The following NR1H4 variants were observed in gnomAD, a reference collection of about 807,000 sequenced individuals.
The protein encoded by NR1H4 is bile acid receptor.
In NR1H4, 23 loss-of-function variants were observed where a neutral mutation model predicts 58.5. That is an observed-to-expected ratio of 0.39 (90% CI 0.28 to 0.56). NR1H4 has a LOEUF of 0.56. Ranked by LOEUF, NR1H4 falls within the 20% of genes least tolerant of loss-of-function variation. The pLI is 0.58. For synonymous variants in NR1H4, 214 were observed against 198.0 expected, an observed-to-expected ratio of 1.08 and a Z score of -0.68; for missense variants, 487 against 576.9, an observed-to-expected ratio of 0.84 and a Z score of 1.60.
intron 3 of NR1H4, among the ~76,000 whole-genome samples, chr12:100,494,482 G>C (rs1485707753): frequency 6.6e-6 from 1 of 152,146 alleles, no homozygotes; most frequent in Non-Finnish European, 1.5e-5. Flanking sequence ...TAATAGAAGG[G>C]AAAAGAAAAA....
intron 1 of NR1H4, among the ~76,000 whole-genome samples, chr12:100,489,598 G>T (rs900448114): frequency 6.6e-6 from 1 of 151,998 alleles, no homozygotes; most frequent in Middle Eastern, 3.2e-3. Context: ...ACAAAAACAG[G>T]CAGCCGACCG....
Position 100,505,802 on chromosome 12 carries a change from C to T in NR1H4, c.80-4976C>T, listed in dbSNP as rs1389726631. On this transcript the variant is annotated intron_variant, in intron 3 of 10. Coordinates refer to ENST00000392986, the MANE Select transcript of NR1H4 (RefSeq NM_001206979.2). ...CAGAAAGCATACTCTAAATTAAAGTCGAACTACCTCTACTCCCTCCACATC... is the reference window on the plus strand; with the variant it reads ...CAGAAAGCATACTCTAAATTAAAGTTGAACTACCTCTACTCCCTCCACATC... The T allele has an allele frequency of 7.9e-6, 4 of 505,300 alleles. No homozygotes were observed. In the East Asian group the frequency reaches 9.8e-5, roughly 12 times the overall value. 31.3% of individuals were successfully genotyped at this position (505,300 alleles called of 1,614,324 possible).
At chr12:100,503,420 A>G in intron 3 of NR1H4, 1 of 1,597,670 alleles carries the variant, frequency 6.3e-7, no homozygotes, top group Non-Finnish European at 8.5e-7. Context: ...TAGAAAATCC[A>G]ATTCAAATTA....
chr12:100,535,424 A>T (rs1024735861), intron 6 of NR1H4, among the ~76,000 whole-genome samples: 6 of 152,266 alleles, frequency 3.9e-5, no homozygotes, highest in African/African-American at 1.4e-4. Flanking sequence ...AAACAGGGTG[A>T]ATACACGTAT....
At chr12:100,520,722 A>C (rs73155611) in intron 4 of NR1H4, among the ~76,000 whole-genome samples, 2,999 of 152,320 alleles carry the variant, frequency 0.02, 46 homozygotes, top group Middle Eastern at 0.078. Context: ...TACCAGTAGA[A>C]ACAACGGAAG....
intron 1 of NR1H4, among the ~76,000 whole-genome samples, chr12:100,476,899 A>T (rs975037353): frequency 7.2e-5 from 11 of 152,064 alleles, no homozygotes; most frequent in Admixed American, 6.6e-5. Flanking sequence ...AATTTTTTTT[A>T]AAAAATAAGA....
At chr12:100,538,817 G>A (rs1174138365) in intron 8 of NR1H4, among the ~76,000 whole-genome samples, 1 of 152,132 alleles carries the variant, frequency 6.6e-6, no homozygotes, top group Non-Finnish European at 1.5e-5. Context: ...CATAAAGTGT[G>A]AGGAGAAATT....
Position 100,562,429 on chromosome 12 carries a change from T to C in NR1H4, c.1192+431T>C, listed in dbSNP as rs1008822223. ...TTTAATTTGTGGTCACAGGAGGCTTTTTTTAAGTGGGTGGCATTGGAGCAG... is the reference window on the plus strand; with the variant it reads ...TTTAATTTGTGGTCACAGGAGGCTTCTTTTAAGTGGGTGGCATTGGAGCAG... On this transcript the variant is annotated intron_variant, in intron 10 of 10. Transcript: ENST00000392986. Among the ~76,000 whole-genome samples, 3 of 152,234 alleles carry C rather than the reference T, an allele frequency of 2.0e-5. No individual in the cohort carries two copies. The South Asian group carries it at 6.2e-4, about 32-fold the overall frequency.
intron 9 of NR1H4, among the ~76,000 whole-genome samples, chr12:100,561,223 A>C (rs1428258742): frequency 6.6e-6 from 1 of 151,612 alleles, no homozygotes; most frequent in African/African-American, 2.4e-5. Context: ...GGTGAAACCC[A>C]GTCTCTACTA....
intron 4 of NR1H4, 43 bp downstream of exon 4, chr12:100,511,186 A>C: frequency 6.2e-7 from 1 of 1,613,702 alleles, no homozygotes; most frequent in South Asian, 1.1e-5. Context: ...AGGTTTTACT[A>C]TATTGGTTGT....
chr12:100,513,691 A>G (rs1157216793), intron 4 of NR1H4, among the ~76,000 whole-genome samples: 1 of 152,096 alleles, frequency 6.6e-6, no homozygotes, highest in Non-Finnish European at 1.5e-5. Context: ...GCTACTTGGG[A>G]GTCTGAGACA....
chr12:100,506,613 A>T (rs1953972031), intron 3 of NR1H4, among the ~76,000 whole-genome samples: 1 of 152,078 alleles, frequency 6.6e-6, no homozygotes, highest in African/African-American at 2.4e-5. Flanking sequence ...GGTTCAAGTG[A>T]TTCTCCTGCC....
intron 9 of NR1H4, among the ~76,000 whole-genome samples, chr12:100,541,931 C>T (rs12301628): frequency 3.9e-5 from 6 of 152,094 alleles, no homozygotes; most frequent in Non-Finnish European, 8.8e-5. Context: ...ATGATTTCAT[C>T]TAATCTTCTC....
At chr12:100,519,128 G>A (rs1299575368) in intron 4 of NR1H4, among the ~76,000 whole-genome samples, 14 of 152,114 alleles carry the variant, frequency 9.2e-5, no homozygotes, top group Non-Finnish European at 2.9e-5. Flanking sequence ...GAATTAACTG[G>A]AAGCTGTGTA....
At chr12:100,544,643 G>A (rs1271400344) in intron 9 of NR1H4, among the ~76,000 whole-genome samples, 1 of 152,080 alleles carries the variant, frequency 6.6e-6, no homozygotes, top group African/African-American at 2.4e-5. Context: ...CAAGCACCTA[G>A]CACATGCCTG....
intron 1 of NR1H4, among the ~76,000 whole-genome samples, chr12:100,477,845 G>C (rs1268860247): frequency 4.6e-5 from 7 of 152,138 alleles, no homozygotes; most frequent in African/African-American, 1.4e-4. Context: ...TTCCAAAGTG[G>C]TCATGTAAAA....
Position 100,536,977 on chromosome 12 carries a change from T to A in NR1H4, c.861T>A (p.Asn287Lys). The stretch of plus-strand genomic sequence containing the variant: ...AAGAAGAATTCAGTGCAGAAGAAAA[T>A]TTTCTCATTTTGACGGAAATGGCAA... ...ILKEEFSAEE[N>K]FLILTEMATN... Residue 287 changes from asparagine (N) to lysine (K), a missense_variant, in exon 8 of 11, where the codon AAT becomes AAA. By Grantham distance (94) the Asn-to-Lys change is moderately conservative (BLOSUM62 0). Coordinates refer to ENST00000392986, the MANE Select transcript of NR1H4 (RefSeq NM_001206979.2). 6.2e-7 allele frequency: 1 copy of A among 1,600,880 alleles called. No homozygotes were observed. Among genetic ancestry groups the A allele is most frequent in the East Asian group, 2.2e-5 (1 of 44,640 alleles).
At chr12:100,530,245 G>A (rs1174580343) in intron 4 of NR1H4, among the ~76,000 whole-genome samples, 2 of 152,174 alleles carry the variant, frequency 1.3e-5, no homozygotes, top group Non-Finnish European at 2.9e-5. Flanking sequence ...GACTGCCTGG[G>A]TTTGAACCTT....
At chr12:100,502,669 A>G (rs1044394226) in intron 3 of NR1H4, among the ~76,000 whole-genome samples, 2 of 152,234 alleles carry the variant, frequency 1.3e-5, no homozygotes, top group Admixed American at 1.3e-4. Flanking sequence ...TACTATGTTT[A>G]GACTTTACAA....
Sources: allele counts gnomAD v4.1 joint callset (sites outside exome capture counted in the v4.1 genomes callset), GRCh38; gene constraint gnomAD v4.1.1; transcripts MANE v1.5; gene names NCBI Gene and HGNC (gene_info 2026-07-23, HGNC 2026-07-21).